Variants in RAB40C observed in about 807,000 individuals in gnomAD.
RAB40C encodes the protein ras-related protein Rab-40C.
RAB40C carries 8 observed loss-of-function variants against 28.1 expected under a neutral mutation model. The observed-to-expected ratio is 0.28, with a 90% CI of 0.17 to 0.51. The LOEUF is 0.51. Ranked by LOEUF, RAB40C falls within the 20% of genes least tolerant of loss-of-function variation. RAB40C has a pLI of 0.97. For synonymous variants in RAB40C, 201 were observed against 171.7 expected, an observed-to-expected ratio of 1.17 and a Z score of -1.34; for missense variants, 288 against 405.9, an observed-to-expected ratio of 0.71 and a Z score of 2.50.
intron 1 of RAB40C, among the ~76,000 whole-genome samples, chr16:601,078 C>G (rs2036239553): frequency 6.6e-6 from 1 of 152,192 alleles, no homozygotes; most frequent in South Asian, 2.1e-4. Context: ...TAAAGCTCTT[C>G]TCTCCTGATG....
At chr16:600,515 G>A (rs1209481613) in intron 1 of RAB40C, among the ~76,000 whole-genome samples, 1 of 152,190 alleles carries the variant, frequency 6.6e-6, no homozygotes, top group African/African-American at 2.4e-5. Context: ...CACTTTGGGA[G>A]GCCGAGGCGG....
At chr16:617,481 G>A (rs1299987532) in intron 2 of RAB40C, among the ~76,000 whole-genome samples, 1 of 152,216 alleles carries the variant, frequency 6.6e-6, no homozygotes, top group African/African-American at 2.4e-5. Flanking sequence ...CTCCCCTCCT[G>A]CCCCGGAAAA....
Position 624,967 on chromosome 16 carries a change from CT to C in RAB40C, c.265-464del, listed in dbSNP as rs531967509. On this transcript the variant is annotated intron_variant, in intron 3 of 5. Transcript: ENST00000248139. ...CCTGGCTGGGGGAGCTTCACAGAAA[CT>C]GTCCTGGAGGGACTGGCATTCTGCT... 40 of 1,289,194 alleles carry C rather than the reference CT, an allele frequency of 3.1e-5. No individual in the cohort carries two copies. The East Asian group carries it at 2.2e-3, about 71-fold the overall frequency. The allele number at this position is 1,289,194 out of a possible 1,614,324, so 79.9% of individuals were successfully genotyped here.
rs777343433 is a variant in RAB40C, at chr16:626,060, G to A, written c.504G>A (p.Thr168=). 63 of 1,613,394 alleles carry A rather than the reference G, an allele frequency of 3.9e-5. 1 individual carries two copies. The South Asian group carries it at 5.4e-4, about 14-fold the overall frequency. ...ACTTCAACGTCATCGAGTCCTTCAC[G>A]GAGCTATCCCGCATCGTGCTCATGC... The part of the protein sequence containing the change: ...LCNFNVIESF[T]ELSRIVLMRH... Residue 168 remains threonine, a synonymous_variant, in exon 5 of 6, where the codon ACG becomes ACA. Transcript: ENST00000248139.
intron 1 of RAB40C, among the ~76,000 whole-genome samples, chr16:591,715 C>A: frequency 6.6e-6 from 1 of 151,958 alleles, no homozygotes. Flanking sequence ...TCTCAGCCTC[C>A]CGAGTAGCTG....
chr16:599,593 C>T (rs1385913184), intron 1 of RAB40C, among the ~76,000 whole-genome samples: 2 of 150,090 alleles, frequency 1.3e-5, no homozygotes, highest in South Asian at 2.1e-4. Context: ...TCCCTCGTGG[C>T]ATCAGTCAGC....
chr16:609,142 A>T (rs974503605), intron 1 of RAB40C, among the ~76,000 whole-genome samples: 3 of 152,118 alleles, frequency 2.0e-5, no homozygotes, highest in Non-Finnish European at 2.9e-5. Flanking sequence ...ACGTGGACTG[A>T]TAGGTGAGAG....
At position 605,923 on chromosome 16, in the gene RAB40C, C is replaced by A. The variant is rs904824135; in HGVS notation, c.143-11285C>A. ...AGAGTCCTGTTTGTTCTAAGTCCTG[C>A]CTTCCTTTTAGCCATGCTGATGGCT... On this transcript the variant is annotated intron_variant, in intron 1 of 5. Coordinates refer to ENST00000248139, the MANE Select transcript of RAB40C (RefSeq NM_021168.5). Among the ~76,000 whole-genome samples, 6 of 152,332 alleles carry A rather than the reference C, an allele frequency of 3.9e-5. No homozygotes were observed. In the South Asian group the frequency reaches 1.2e-3, roughly 32 times the overall value.
intron 1 of RAB40C, among the ~76,000 whole-genome samples, chr16:594,831 T>C (rs2036077731): frequency 6.6e-6 from 1 of 151,574 alleles, no homozygotes. Flanking sequence ...TTTTTTTTTT[T>C]TTTTTTTAGA....
chr16:623,866 A>C (rs1393887592), intron 3 of RAB40C: 3 of 746,872 alleles, frequency 4.0e-6, no homozygotes, highest in Admixed American at 6.3e-5. Flanking sequence ...TCAGAATATC[A>C]GGCTGCAGTG....
intron 1 of RAB40C, among the ~76,000 whole-genome samples, chr16:598,326 C>T (rs1325947465): frequency 2.7e-5 from 4 of 150,832 alleles, no homozygotes; most frequent in East Asian, 1.9e-4. Context: ...TGCAGTGAGC[C>T]GAGATCACGC....
At chr16:599,162 CT>C (rs1457023543) in intron 1 of RAB40C, among the ~76,000 whole-genome samples, 1 of 152,244 alleles carries the variant, frequency 6.6e-6, no homozygotes, top group Non-Finnish European at 1.5e-5. Flanking sequence ...CAGAAAGTCA[CT>C]GCTGCAGGGG....
At chr16:611,461 C>A (rs1468322765) in intron 1 of RAB40C, among the ~76,000 whole-genome samples, 2 of 152,352 alleles carry the variant, frequency 1.3e-5, no homozygotes, top group Non-Finnish European at 2.9e-5. Context: ...ACAGCCAGGA[C>A]CAAAATGACC....
chr16:590,291 C>A lies in RAB40C; in HGVS notation c.-1C>A. On this transcript the variant is annotated 5_prime_UTR_variant, in exon 1 of 6. Coordinates refer to ENST00000248139, the MANE Select transcript of RAB40C (RefSeq NM_021168.5). ...CGGCGCGGGGCGCAGGCGGCGCGGC[C>A]ATGGGCTCGCAGGGCAGTCCGGTGA... 4.6e-6 allele frequency: 7 copies of A among 1,529,718 alleles called. No individual in the cohort carries two copies. The highest frequency in any genetic ancestry group is 6.1e-6 in the Non-Finnish European group (7 of 1,140,202). 94.8% of individuals were successfully genotyped at this position (1,529,718 alleles called of 1,614,324 possible).
Position 591,231 on chromosome 16 carries a change from C to A in RAB40C, c.142+798C>A, listed in dbSNP as rs567979662. Among the ~76,000 whole-genome samples, 9 of 148,026 alleles carry A rather than the reference C, an allele frequency of 6.1e-5. No homozygotes were observed. The South Asian group carries it at 1.7e-3, about 28-fold the overall frequency. ...GGTCTGGGATCTCAGGGGAAGGTGT[C>A]ATGGGTCTAGGATCATCTGGGGTCT... On this transcript the variant is annotated intron_variant, in intron 1 of 5. Transcript: ENST00000248139.
intron 1 of RAB40C, among the ~76,000 whole-genome samples, chr16:615,391 G>A (rs2036566539): frequency 6.6e-6 from 1 of 152,186 alleles, no homozygotes; most frequent in Admixed American, 6.5e-5. Context: ...CAAGCCCACT[G>A]GGCAGGTGCA....
intron 3 of RAB40C, chr16:624,217 A>ATG: frequency 1.0e-6 from 1 of 985,426 alleles, no homozygotes; most frequent in Non-Finnish European, 1.2e-6. Context: ...GGAGGTTGCC[A>ATG]CTAGGGAGAG....
chr16:599,173 G>T (rs1596400246), intron 1 of RAB40C, among the ~76,000 whole-genome samples: 2 of 152,380 alleles, frequency 1.3e-5, no homozygotes, highest in East Asian at 3.9e-4. Context: ...TGCTGCAGGG[G>T]AGGGGAGTAT....
rs749842877 is a variant in RAB40C at position 627,376 on chromosome 16, C to T, written c.600C>T (p.Ile200=). The T allele has an allele frequency of 2.6e-5, 42 of 1,613,656 alleles. No individual in the cohort carries two copies. In the East Asian group the frequency reaches 4.7e-4, roughly 18 times the overall value. Residue 200 remains isoleucine, a synonymous_variant, in exon 6 of 6, where the codon ATC becomes ATT. Coordinates refer to ENST00000248139, the MANE Select transcript of RAB40C (RefSeq NM_021168.5). ...FSLQDLCCRA[I]VSCTPVHLID... ...TGCAGGACCTCTGCTGCCGGGCCAT[C>T]GTCTCCTGCACCCCCGTGCACCTCA...
Sources: allele counts gnomAD v4.1 joint callset (sites outside exome capture counted in the v4.1 genomes callset), GRCh38; gene constraint gnomAD v4.1.1; transcripts MANE v1.5; gene names NCBI Gene and HGNC (gene_info 2026-07-23, HGNC 2026-07-21).